HYDIN: variants seen among roughly 807,000 people sequenced by gnomAD.
HYDIN encodes the protein axonemal central pair apparatus protein HYDIN.
A neutral mutation model predicts 403.9 loss-of-function variants in HYDIN; 132 were observed. That is an observed-to-expected ratio of 0.33 (90% confidence interval 0.28 to 0.38). The LOEUF is 0.38. Among genes scored for constraint, HYDIN ranks in the 10% least tolerant of loss-of-function variants. The pLI is 1.00. For missense variants in HYDIN, 2,827 were observed against 5,009.5 expected, an observed-to-expected ratio of 0.56 and a Z score of 13.15; for synonymous variants, 1,202 against 1,891.7, an observed-to-expected ratio of 0.64 and a Z score of 9.46.
intron 18 of HYDIN, among the ~76,000 whole-genome samples, chr16:71,056,301 C>T (rs554613327): frequency 6.6e-6 from 1 of 152,072 alleles, no homozygotes; most frequent in Non-Finnish European, 1.5e-5. Context: ...TTGTACTAAT[C>T]AACTTTTTTT....
In HYDIN at chr16:70,804,013, G is replaced by A. The variant is rs1478474425; in HGVS notation, c.*3567C>T. On this transcript the variant is annotated 3_prime_UTR_variant, in exon 86 of 86. Transcript: ENST00000393567. ...GGATTCTCCAATGTAACTTCCACAA[G>A]CATGTGTTGGAAGGGTTATTTTCAT... is the stretch of plus-strand genomic sequence containing the variant. Among the ~76,000 whole-genome samples, 1 of 152,216 alleles carries A rather than the reference G, an allele frequency of 6.6e-6. No homozygotes were observed. Among genetic ancestry groups the A allele is most frequent in the Admixed American group, 6.5e-5 (1 of 15,286 alleles).
Position 70,840,113 on chromosome 16 carries a change from G to C in HYDIN, c.12994C>G (p.Pro4332Ala), listed in dbSNP as rs2037715922. 1.2e-6 allele frequency: 1 copy of C among 857,066 alleles called. No individual in the cohort carries two copies. Among genetic ancestry groups the C allele is most frequent in the African/African-American group, 2.1e-5 (1 of 47,980 alleles). 53.1% of individuals were successfully genotyped at this position (857,066 alleles called of 1,614,324 possible). ...TCFIYQAGMP[P>A]YKQTLVITNK... is the part of the protein sequence containing the mutation. ...GTAATTACCAGGGTTTGTTTGTATG[G>C]GGGCATCCCAGCTTGATAGATAAAG... The change falls in exon 76 of 86, where the codon CCA (proline) becomes GCA (alanine). Residue 4332 changes from proline (P) to alanine (A), a missense_variant. Transcript: ENST00000393567.
At chr16:70,864,756 T>G (rs74024478) in intron 67 of HYDIN, among the ~76,000 whole-genome samples, 57 of 152,254 alleles carry the variant, frequency 3.7e-4, no homozygotes, top group African/African-American at 1.3e-3. Context: ...AAAAGAGTTC[T>G]CAGTTTAGGG....
chr16:70,888,711 C>T (rs1340189620), intron 58 of HYDIN, among the ~76,000 whole-genome samples: 1 of 152,148 alleles, frequency 6.6e-6, no homozygotes. Flanking sequence ...AAAATCTCGG[C>T]TTGGTATTCG....
At chr16:71,059,016 TA>T (rs1568077376) in intron 18 of HYDIN, among the ~76,000 whole-genome samples, 1 of 152,254 alleles carries the variant, frequency 6.6e-6, no homozygotes, top group Non-Finnish European at 1.5e-5. Context: ...ATGTGATACA[TA>T]TAACATAGAA....
At chr16:71,022,146 G>C (rs961181313) in intron 21 of HYDIN, among the ~76,000 whole-genome samples, 1 of 151,950 alleles carries the variant, frequency 6.6e-6, no homozygotes, top group South Asian at 2.1e-4. Context: ...TGTCCACCCA[G>C]TGACCTTCCC....
intron 1 of HYDIN, among the ~76,000 whole-genome samples, chr16:71,225,439 G>T (rs1410460342): frequency 6.6e-6 from 1 of 152,148 alleles, no homozygotes; most frequent in African/African-American, 2.4e-5. Flanking sequence ...TGTTCATTTT[G>T]AGGACTGCTG....
At chr16:71,157,989 G>C (rs1259181018) in intron 6 of HYDIN, among the ~76,000 whole-genome samples, 6 of 148,102 alleles carry the variant, frequency 4.1e-5, no homozygotes, top group Middle Eastern at 3.4e-3. Flanking sequence ...CTCTGCTGAA[G>C]ACAAAGAGGG....
At chr16:71,175,870 T>A in intron 4 of HYDIN, 129 bp from the exon 5 acceptor site, 1 of 835,552 alleles carries the variant, frequency 1.2e-6, no homozygotes, top group Non-Finnish European at 2.0e-6. Flanking sequence ...TTCTCAACTA[T>A]AAAAGGAGAT....
intron 23 of HYDIN, among the ~76,000 whole-genome samples, chr16:71,005,916 T>A (rs1434840629): frequency 7.1e-6 from 1 of 140,944 alleles, no homozygotes. Context: ...ATAGCAAACC[T>A]GATTAATTTA....
chr16:71,044,826 G>T (rs1202755321), intron 18 of HYDIN, among the ~76,000 whole-genome samples: 3 of 142,546 alleles, frequency 2.1e-5, no homozygotes, highest in Non-Finnish European at 4.7e-5. Context: ...GTTATTTTAA[G>T]ACTAACCATT....
At chr16:71,066,668 C>T (rs1466314723) in intron 15 of HYDIN, 4 of 351,054 alleles carry the variant, frequency 1.1e-5, no homozygotes, top group Non-Finnish European at 2.3e-5. Flanking sequence ...AGCAGTACTG[C>T]AATGACTGTA....
chr16:71,165,755 A>G (rs1177321948), intron 5 of HYDIN, among the ~76,000 whole-genome samples: 4 of 151,876 alleles, frequency 2.6e-5, no homozygotes, highest in Non-Finnish European at 5.9e-5. Flanking sequence ...GGGGGCGGTC[A>G]GGAAAGGCCT....
At chr16:70,956,121 G>C (rs2078227925) in intron 39 of HYDIN, among the ~76,000 whole-genome samples, 1 of 152,152 alleles carries the variant, frequency 6.6e-6, no homozygotes, top group Admixed American at 6.6e-5. Context: ...CACAGGGTCT[G>C]TTTAAGAAAC....
rs1401329904 is a variant in HYDIN, at chr16:70,872,112, T to C, written c.11016A>G (p.Thr3672=). Residue 3672 remains threonine, a synonymous_variant, in exon 65 of 86, where the codon ACA becomes ACG. Transcript: ENST00000393567. ...AGTTCACTTGGCTGTGATTTGTGAC[T>C]GTGAAGCTCGCATTATAGCTGTGTC... is the stretch of plus-strand genomic sequence containing the variant. ...HIGHSYNASF[T]VTNHSQVNLI... 1 of 1,577,068 alleles carries C rather than the reference T, an allele frequency of 6.3e-7. No individual in the cohort carries two copies. Among genetic ancestry groups the C allele is most frequent in the South Asian group, 1.2e-5 (1 of 85,780 alleles).
chr16:71,101,948 A>C (rs2083467711), intron 10 of HYDIN, among the ~76,000 whole-genome samples: 1 of 152,076 alleles, frequency 6.6e-6, no homozygotes. Context: ...AAACAACACA[A>C]ATGTCCAACT....
rs376407394 is a variant in HYDIN, at chr16:70,981,443, G to A, written c.4458C>T (p.Ser1486=). ...AGATTTGGGGAAAGATTCCCTCTCC[G>A]CTCAGAGTGATATTTTCTGGGTCCA... ...AHLDPENITL[S]GEGIFPQICL... Residue 1486 remains serine, a synonymous_variant, in exon 29 of 86, where the codon AGC becomes AGT. Coordinates refer to ENST00000393567, the MANE Select transcript of HYDIN (RefSeq NM_001270974.2). 4.0e-4 allele frequency: 645 copies of A among 1,613,724 alleles called. No homozygotes were observed. The highest frequency in any genetic ancestry group is 5.2e-4 in the Non-Finnish European group (608 of 1,179,842).
chr16:71,010,968 G>A (rs986840691), intron 23 of HYDIN, among the ~76,000 whole-genome samples: 1 of 152,174 alleles, frequency 6.6e-6, no homozygotes, highest in East Asian at 1.9e-4. Flanking sequence ...GCTAAAGCCT[G>A]GCTTTGGCCT....
intron 18 of HYDIN, among the ~76,000 whole-genome samples, chr16:71,058,573 C>A (rs2081977013): frequency 7.6e-6 from 1 of 132,076 alleles, no homozygotes; most frequent in Non-Finnish European, 1.6e-5. Flanking sequence ...TGCACATGTA[C>A]CCTAAAACTT....
Sources: allele counts gnomAD v4.1 joint callset (sites outside exome capture counted in the v4.1 genomes callset), GRCh38; gene constraint gnomAD v4.1.1; transcripts MANE v1.5; gene names NCBI Gene and HGNC (gene_info 2026-07-23, HGNC 2026-07-21).